Variants in SNRPB2 observed in about 807,000 individuals in gnomAD.
The protein encoded by SNRPB2 is small nuclear ribonucleoprotein polypeptide B2.
Under a neutral mutation model 26.3 loss-of-function variants are expected in SNRPB2, and 16 were observed. The observed-to-expected ratio is 0.61, with a 90% confidence interval of 0.41 to 0.92. The LOEUF (loss-of-function observed/expected upper bound fraction) is 0.92. Among genes scored for constraint, SNRPB2 ranks in the 40% least tolerant of loss-of-function variants. The pLI is 0.00. For missense variants in SNRPB2, 179 were observed against 268.1 expected, an observed-to-expected ratio of 0.67 and a Z score of 2.32; for synonymous variants, 75 against 89.0, an observed-to-expected ratio of 0.84 and a Z score of 0.88.
At position 16,740,230 on chromosome 20, in the gene SNRPB2, T is replaced by G. The variant is rs76472306; in HGVS notation, c.430-95T>G. 1,023 of 1,548,988 alleles carry G rather than the reference T, an allele frequency of 6.6e-4. 5 individuals carry two copies. The African/African-American group carries it at 0.012, about 18-fold the overall frequency. On this transcript the variant is annotated intron_variant, in intron 5 of 6. Coordinates refer to ENST00000246071, the MANE Select transcript of SNRPB2 (RefSeq NM_003092.5). ...TTTATTTCTCCAGTGTCATTGTTTT[T>G]CAGCTTTATTGTTTGATATAGTAAG...
chr20:16,741,253 T>A lies in SNRPB2; in HGVS notation c.*248T>A. On this transcript the variant is annotated 3_prime_UTR_variant, in exon 7 of 7. Transcript: ENST00000246071. ...CTTTCTTGATTGACCCATCTCCCTA[T>A]CATCAAATGACTTCTAGTCTAGAAC... 3.4e-6 allele frequency: 1 copy of A among 298,370 alleles called. No individual in the cohort carries two copies. The highest frequency in any genetic ancestry group is 6.2e-6 in the Non-Finnish European group (1 of 161,624). The allele number at this position is 298,370 out of a possible 1,614,324, so 18.5% of individuals were successfully genotyped here.
chr20:16,737,289 A>G lies in SNRPB2; in HGVS notation c.266A>G (p.Asp89Gly). 4 of 1,599,138 alleles carry G rather than the reference A, an allele frequency of 2.5e-6. No individual in the cohort carries two copies. The highest frequency in any genetic ancestry group is 3.4e-6 in the Non-Finnish European group (4 of 1,175,980). Residue 89 changes from aspartate (D) to glycine (G), a missense_variant, in exon 4 of 7, where the codon GAT becomes GGT. This residue lies in a region of SNRPB2 where 145 missense variants were observed against 180.7 expected (regional missense o/e 0.80). Coordinates refer to ENST00000246071, the MANE Select transcript of SNRPB2 (RefSeq NM_003092.5). ...ATACAGTATGCAAAAACAGATTCGGATATAATATCAAAAATGCGTGGAACT... is the reference window on the plus strand; with the variant it reads ...ATACAGTATGCAAAAACAGATTCGGGTATAATATCAAAAATGCGTGGAACT... ...MRIQYAKTDS[D>G]IISKMRGTFA...
At chr20:16,738,485 T>G (rs2072442626) in intron 4 of SNRPB2, among the ~76,000 whole-genome samples, 1 of 151,166 alleles carries the variant, frequency 6.6e-6, no homozygotes, top group South Asian at 2.1e-4. Flanking sequence ...CAAAAAGTAA[T>G]TACTTCTGGA....
chr20:16,731,696 C>T lies in SNRPB2; in HGVS notation c.-7C>T. On this transcript the variant is annotated 5_prime_UTR_variant, in exon 2 of 7. Transcript: ENST00000246071. ...TTTTACTGTCTCCTGAAGAATTTAA[C>T]ACAAACATGGATATCAGACCAAATC... 6.2e-7 allele frequency: 1 copy of T among 1,611,588 alleles called. No individual in the cohort carries two copies. The highest frequency in any genetic ancestry group is 1.1e-5 in the South Asian group (1 of 90,896).
chr20:16,738,889 C>A lies in SNRPB2; in HGVS notation c.416C>A (p.Thr139Lys). 6.2e-7 allele frequency: 1 copy of A among 1,604,708 alleles called. No homozygotes were observed. Among genetic ancestry groups the A allele is most frequent in the Non-Finnish European group, 8.5e-7 (1 of 1,171,670 alleles). The stretch of plus-strand genomic sequence containing the variant: ...TCAGCTAATACCCAAGGAAATTCAA[C>A]ACCAAATCCTCAGGTAATTTTTTTT... ...PNSANTQGNS[T>K]PNPQVPDYPP... Residue 139 changes from threonine to lysine, a missense_variant, in exon 5 of 7, where the codon ACA becomes AAA. Thr to Lys is a moderately conservative substitution (Grantham distance 78). This residue lies in a region of SNRPB2 where 145 missense variants were observed against 180.7 expected (regional missense o/e 0.80). Transcript: ENST00000246071.
intron 4 of SNRPB2, 95 bp downstream of exon 4, chr20:16,737,496 A>G (rs2122504684): frequency 8.7e-7 from 1 of 1,147,220 alleles, no homozygotes; most frequent in East Asian, 2.5e-5. Context: ...GCTTGTCTGT[A>G]TATGTGCATA....
intron 3 of SNRPB2, among the ~76,000 whole-genome samples, chr20:16,734,379 A>C (rs969366711): frequency 3.3e-5 from 5 of 152,188 alleles, no homozygotes; most frequent in Non-Finnish European, 1.5e-5. Context: ...CATACCGATC[A>C]GAAATGAACA....
Position 16,740,317 on chromosome 20 carries a change from T to C in SNRPB2, c.430-8T>C. On this transcript the variant is annotated splice_region_variant and splice_polypyrimidine_tract_variant and intron_variant, in intron 5 of 6. Transcript: ENST00000246071. ...ACAAGCTAACTTTGCCTTTTTACTT[T>C]TTAATAGGTCCCTGATTACCCTCCA... The C allele has an allele frequency of 1.2e-6, 2 of 1,609,396 alleles. No individual in the cohort carries two copies. The highest frequency in any genetic ancestry group is 1.7e-6 in the Non-Finnish European group (2 of 1,178,236).
intron 1 of SNRPB2, among the ~76,000 whole-genome samples, chr20:16,731,218 A>C (rs1216377708): frequency 6.6e-6 from 1 of 152,212 alleles, no homozygotes; most frequent in Middle Eastern, 3.2e-3. Flanking sequence ...TGCTGTATAC[A>C]AATTAATAGG....
chr20:16,735,908 AT>A (rs753681997), intron 3 of SNRPB2, among the ~76,000 whole-genome samples: 20 of 152,392 alleles, frequency 1.3e-4, no homozygotes, highest in Admixed American at 3.3e-4. Context: ...TGGAAGTAAC[AT>A]TCCATATGAC....
chr20:16,738,509 A>G (rs2122506063), intron 4 of SNRPB2, among the ~76,000 whole-genome samples: 2 of 152,182 alleles, frequency 1.3e-5, no homozygotes, highest in Middle Eastern at 6.8e-3. Context: ...AAAGTGATTA[A>G]AAGTCAGTTT....
Position 16,740,935 on chromosome 20 carries a change from C to T in SNRPB2, c.608C>T (p.Ala203Val). The T allele has an allele frequency of 6.2e-7, 1 of 1,612,142 alleles. No homozygotes were observed. Among genetic ancestry groups the T allele is most frequent in the Non-Finnish European group, 8.5e-7 (1 of 1,178,260 alleles). Reference protein sequence around the residue: ...EFENDGQAGAARDALQGFKIT... With the variant: ...EFENDGQAGAVRDALQGFKIT... Reference sequence around the variant, plus strand: ...GAAAATGATGGGCAGGCTGGAGCTGCCAGGGATGCTTTACAGGGATTTAAG... The same window carrying T: ...GAAAATGATGGGCAGGCTGGAGCTGTCAGGGATGCTTTACAGGGATTTAAG... The change falls in exon 7 of 7, where the codon GCC becomes GTC. Residue 203 changes from alanine to valine, a missense_variant. Ala to Val is a moderately conservative substitution (Grantham distance 64, BLOSUM62 0). Coordinates refer to ENST00000246071, the MANE Select transcript of SNRPB2 (RefSeq NM_003092.5).
chr20:16,735,029 A>G (rs2072416242), intron 3 of SNRPB2, among the ~76,000 whole-genome samples: 1 of 152,156 alleles, frequency 6.6e-6, no homozygotes, highest in Non-Finnish European at 1.5e-5. Context: ...AGGGATAAGC[A>G]CACTTAGAGC....
At chr20:16,732,425 A>T (rs369660485) in intron 3 of SNRPB2, 89 bp downstream of exon 3, 10 of 707,780 alleles carry the variant, frequency 1.4e-5, no homozygotes, top group Non-Finnish European at 2.1e-5. Flanking sequence ...AACTGTGGCT[A>T]TTGCTTTCTG....
Position 16,741,085 on chromosome 20 carries a change from T to A in SNRPB2, c.*80T>A. 1 of 1,065,516 alleles carries A rather than the reference T, an allele frequency of 9.4e-7. No individual in the cohort carries two copies. The highest frequency in any genetic ancestry group is 1.3e-6 in the Non-Finnish European group (1 of 747,188). The allele number at this position is 1,065,516 out of a possible 1,614,324, so 66.0% of individuals were successfully genotyped here. On this transcript the variant is annotated 3_prime_UTR_variant, in exon 7 of 7. Transcript: ENST00000246071. The stretch of plus-strand genomic sequence containing the variant: ...ATAACATTTGGCTGGGTCATTTTAA[T>A]AGTTAGAGATGAGGAGGAGTAAAAG...
chr20:16,734,608 C>T (rs1400669366), intron 3 of SNRPB2, among the ~76,000 whole-genome samples: 1 of 152,172 alleles, frequency 6.6e-6, no homozygotes, highest in Non-Finnish European at 1.5e-5. Context: ...AACCCTGTCA[C>T]TTTGGACATT....
chr20:16,740,731 G>A, intron 6 of SNRPB2, 115 bp from the exon 7 acceptor site: 1 of 793,604 alleles, frequency 1.3e-6, no homozygotes, highest in Non-Finnish European at 2.0e-6. Context: ...AGTATTCTTG[G>A]TTAGAGTATG....
chr20:16,733,316 AC>A (rs1371412789), intron 3 of SNRPB2, among the ~76,000 whole-genome samples: 3 of 149,912 alleles, frequency 2.0e-5, no homozygotes, highest in Non-Finnish European at 4.4e-5. Flanking sequence ...TTATGTACTT[AC>A]GTTTTTTAAC....
chr20:16,741,062 A>G lies in SNRPB2; in HGVS notation c.*57A>G. The G allele has an allele frequency of 7.5e-7, 1 of 1,340,052 alleles. No homozygotes were observed. Among genetic ancestry groups the G allele is most frequent in the Non-Finnish European group, 1.0e-6 (1 of 973,000 alleles). 83.0% of individuals were successfully genotyped at this position (1,340,052 alleles called of 1,614,324 possible). A position where few individuals can be genotyped will look rare whatever the true frequency, so the allele number is the denominator to read the frequency against. ...TGTTATTTACAGTGTTTGTTTTGAT[A>G]ACATTTGGCTGGGTCATTTTAATAG... On this transcript the variant is annotated 3_prime_UTR_variant, in exon 7 of 7. Transcript: ENST00000246071.
Sources: gnomAD v4.1 joint callset for allele counts (sites outside exome capture counted in the v4.1 genomes callset) on GRCh38, gnomAD v4.1.1 for gene constraint, gnomAD v4.1.1 regional missense constraint, MANE v1.5 for transcripts, NCBI Gene and HGNC (gene_info 2026-07-23, HGNC 2026-07-21) for gene names.